SLC2A13: variants seen among roughly 807,000 people sequenced by gnomAD.
SLC2A13 encodes solute carrier family 2 member 13, also known as proton myo-inositol cotransporter.
SLC2A13 carries 32 observed loss-of-function variants against 64.4 expected under a neutral mutation model. The observed-to-expected ratio is 0.50, with a 90% confidence interval of 0.37 to 0.67. The LOEUF (loss-of-function observed/expected upper bound fraction) is 0.67, where lower values mean the gene tolerates loss of function less well. SLC2A13 is among the 30% of genes least tolerant of loss of function. SLC2A13 has a pLI of 0.00. For missense variants in SLC2A13, 743 were observed against 829.2 expected (o/e 0.90, Z 1.28); for synonymous variants, 338 against 327.1 (o/e 1.03, Z -0.36).
chr12:39,770,102 C>T (rs1174338624), intron 7 of SLC2A13, among the ~76,000 whole-genome samples: 3 of 152,012 alleles, frequency 2.0e-5, no homozygotes, highest in Non-Finnish European at 2.9e-5. Context: ...TTTTAAATTG[C>T]CTCTTCCTCT....
At chr12:40,104,074 G>C (rs1376238073) in intron 1 of SLC2A13, among the ~76,000 whole-genome samples, 1 of 152,110 alleles carries the variant, frequency 6.6e-6, no homozygotes, top group Admixed American at 6.5e-5. Context: ...CACAGAGAAA[G>C]GGTGAAAAGC....
intron 4 of SLC2A13, among the ~76,000 whole-genome samples, chr12:39,930,084 T>C (rs1263273398): frequency 6.6e-6 from 1 of 150,936 alleles, no homozygotes; most frequent in Non-Finnish European, 1.5e-5. Flanking sequence ...TGTGTGGAGA[T>C]TGCACAACTG....
chr12:39,864,839 T>C lies in SLC2A13; in HGVS notation c.1242A>G (p.Leu414=). The C allele has an allele frequency of 1.2e-6, 2 of 1,613,804 alleles. No homozygotes were observed. Among genetic ancestry groups the C allele is most frequent in the Non-Finnish European group, 1.7e-6 (2 of 1,179,924 alleles). ...ALIILALGFV[L]SAQVSPRITF... Reference sequence around the variant, plus strand: ...TGATGCGTGGGGAAACTTGGGCTGATAGCACAAATCCCAAGGCAAGAATAA... The same window carrying C: ...TGATGCGTGGGGAAACTTGGGCTGACAGCACAAATCCCAAGGCAAGAATAA... The change falls in exon 6 of 10, where the codon CTA becomes CTG. Residue 414 remains leucine, a synonymous_variant. Transcript: ENST00000280871.
intron 3 of SLC2A13, among the ~76,000 whole-genome samples, chr12:40,010,763 C>G (rs1331838810): frequency 6.6e-6 from 1 of 152,044 alleles, no homozygotes; most frequent in African/African-American, 2.4e-5. Flanking sequence ...GTTGATTCTA[C>G]TGCCTAATTA....
chr12:39,974,657 T>C (rs765871271), intron 3 of SLC2A13, among the ~76,000 whole-genome samples: 2 of 152,208 alleles, frequency 1.3e-5, no homozygotes, highest in Non-Finnish European at 2.9e-5. Context: ...AATCATAAGA[T>C]ACGTTCAAAT....
At chr12:39,772,112 A>G (rs554059861) in intron 7 of SLC2A13, among the ~76,000 whole-genome samples, 1 of 152,144 alleles carries the variant, frequency 6.6e-6, no homozygotes, top group East Asian at 1.9e-4. Flanking sequence ...AGTGCTCTGT[A>G]TGGTCATATA....
intron 3 of SLC2A13, among the ~76,000 whole-genome samples, chr12:39,954,777 A>C (rs1005744403): frequency 2.6e-5 from 4 of 152,230 alleles, no homozygotes; most frequent in African/African-American, 9.6e-5. Flanking sequence ...TACAATTTGT[A>C]AAGATAACGG....
chr12:39,916,128 C>G lies in SLC2A13; in HGVS notation c.1034+35129G>C, dbSNP rs190902358. On this transcript the variant is annotated intron_variant, in intron 4 of 9. Coordinates refer to ENST00000280871, the MANE Select transcript of SLC2A13 (RefSeq NM_052885.4). The stretch of plus-strand genomic sequence containing the variant: ...GCATCTTCAGAATGTTCCCAAATTG[C>G]TAAGGTGATTATAAAGGGGCAATAT... Among the ~76,000 whole-genome samples the G allele has an allele frequency of 1.6e-4, 24 of 151,740 alleles. No individual in the cohort carries two copies. In the East Asian group the frequency reaches 4.4e-3, roughly 28 times the overall value.
chr12:40,105,103 A>T lies in SLC2A13; in HGVS notation c.556+150T>A. 1 of 1,378,470 alleles carries T rather than the reference A, an allele frequency of 7.3e-7. No individual in the cohort carries two copies. Among genetic ancestry groups the T allele is most frequent in the Non-Finnish European group, 9.3e-7 (1 of 1,070,174 alleles). 85.4% of individuals were successfully genotyped at this position (1,378,470 alleles called of 1,614,324 possible). Reference sequence around the variant, plus strand: ...GAGAGCCTTGGAGGCTGGACCAACAAACAGATGGGCTCTGGAGGCCAGAGA... The same window carrying T: ...GAGAGCCTTGGAGGCTGGACCAACATACAGATGGGCTCTGGAGGCCAGAGA... On this transcript the variant is annotated intron_variant, in intron 1 of 9. Coordinates refer to ENST00000280871, the MANE Select transcript of SLC2A13 (RefSeq NM_052885.4). The surrounding 1 kb of genome is among the most constrained non-coding windows in gnomAD (Gnocchi z 4.2).
At chr12:39,847,243 T>C (rs1943343876) in intron 6 of SLC2A13, among the ~76,000 whole-genome samples, 1 of 152,134 alleles carries the variant, frequency 6.6e-6, no homozygotes, top group South Asian at 2.1e-4. Flanking sequence ...ACATATCCCC[T>C]AGCTGTACTG....
Position 40,022,548 on chromosome 12 carries a change from T to A in SLC2A13, c.925+5753A>T, listed in dbSNP as rs1175351798. 2.0e-5 allele frequency among the ~76,000 whole-genome samples: 3 copies of A among 152,198 alleles called. No homozygotes were observed. In the East Asian group the frequency reaches 5.8e-4, roughly 29 times the overall value. ...CTAGGTAATATTAACTGTAAAACAA[T>A]TTTTAAGGCCGGGTGTTGTGGCTCA... is the stretch of plus-strand genomic sequence containing the variant. On this transcript the variant is annotated intron_variant, in intron 3 of 9. Coordinates refer to ENST00000280871, the MANE Select transcript of SLC2A13 (RefSeq NM_052885.4).
At chr12:40,031,888 G>C (rs996561576) in intron 2 of SLC2A13, among the ~76,000 whole-genome samples, 2 of 152,210 alleles carry the variant, frequency 1.3e-5, no homozygotes, top group African/African-American at 4.8e-5. Flanking sequence ...AGGACTACCA[G>C]TCCTCTAAAT....
chr12:39,894,792 G>C (rs1944698263), intron 4 of SLC2A13, among the ~76,000 whole-genome samples: 1 of 151,778 alleles, frequency 6.6e-6, no homozygotes, highest in African/African-American at 2.4e-5. Context: ...TAAAGATTAG[G>C]GAATAAAGCA....
At chr12:39,817,572 A>G (rs1942373694) in intron 7 of SLC2A13, among the ~76,000 whole-genome samples, 1 of 152,198 alleles carries the variant, frequency 6.6e-6, no homozygotes, top group Non-Finnish European at 1.5e-5. Context: ...GATGGCAGCT[A>G]AGGGGGTTAG....
chr12:39,953,943 G>C (rs1460370445), intron 3 of SLC2A13, among the ~76,000 whole-genome samples: 2 of 152,196 alleles, frequency 1.3e-5, no homozygotes, highest in Non-Finnish European at 2.9e-5. Context: ...TGTGAACCTA[G>C]CCTACAGAAG....
chr12:39,850,649 A>G (rs1438929036), intron 6 of SLC2A13, among the ~76,000 whole-genome samples: 3 of 152,216 alleles, frequency 2.0e-5, no homozygotes. Context: ...ATATTTACTT[A>G]TGTGTTTAGC....
chr12:40,056,166 A>G (rs904853686), intron 1 of SLC2A13, among the ~76,000 whole-genome samples: 1 of 151,846 alleles, frequency 6.6e-6, no homozygotes, highest in African/African-American at 2.4e-5. Flanking sequence ...TTCTTATTCC[A>G]TACTAGATTC....
In SLC2A13 at chr12:39,886,641, A is replaced by C. The variant is rs145825178; in HGVS notation, c.1035-14680T>G. Among the ~76,000 whole-genome samples, 1,418 of 152,196 alleles carry C rather than the reference A, an allele frequency of 9.3e-3. 24 individuals carry two copies. Among genetic ancestry groups the C allele is most frequent in the African/African-American group, 0.032 (1,333 of 41,526 alleles). The stretch of plus-strand genomic sequence containing the variant: ...GTGTTTGAATTGACTATATTGTCTT[A>C]ACTCTCTACTTTTCTTTAAGTGTGT... On this transcript the variant is annotated intron_variant, in intron 4 of 9. Transcript: ENST00000280871.
At chr12:39,987,139 C>G (rs1565577676) in intron 3 of SLC2A13, among the ~76,000 whole-genome samples, 1 of 152,054 alleles carries the variant, frequency 6.6e-6, no homozygotes, top group Non-Finnish European at 1.5e-5. Flanking sequence ...CAATCATATC[C>G]AAAGAAAACA....
Sources: gnomAD v4.1 joint callset for allele counts (sites outside exome capture counted in the v4.1 genomes callset) on GRCh38, gnomAD v4.1.1 for gene constraint, Gnocchi (gnomAD v3.1) non-coding constraint, MANE v1.5 for transcripts, NCBI Gene and HGNC (gene_info 2026-07-23, HGNC 2026-07-21) for gene names.